Variants in TMEM119 observed in about 807,000 individuals in gnomAD.
The protein encoded by TMEM119 is osteoblast induction factor.
For synonymous variants in TMEM119, 182 were observed against 176.4 expected (o/e 1.03, Z -0.25); for missense variants, 410 against 381.0 (o/e 1.08, Z -0.63).
chr12:108,597,186 T>A (rs754318925), intron 1 of TMEM119, among the ~76,000 whole-genome samples: 3 of 151,886 alleles, frequency 2.0e-5, no homozygotes, highest in Non-Finnish European at 4.4e-5. Flanking sequence ...TGGTCCTGAG[T>A]CTGTGGAGGA....
chr12:108,593,857 A>C (rs2031460674), intron 1 of TMEM119, among the ~76,000 whole-genome samples: 1 of 152,210 alleles, frequency 6.6e-6, no homozygotes, highest in African/African-American at 2.4e-5. Flanking sequence ...ACCCAGGGAC[A>C]ATTCACTGCA....
rs1378148360 is a variant in TMEM119, at chr12:108,591,661, C to G, written c.723G>C (p.Glu241Asp). 1 of 1,614,032 alleles carries G rather than the reference C, an allele frequency of 6.2e-7. No individual in the cohort carries two copies. ...GGCCCTCACCGGCCACCACAGCCCC[C>G]TCAAGGACCCCTGAGCACGGCTCCT... The part of the protein sequence containing the change: ...AQEEPCSGVL[E>D]GAVVAGEGQG... Residue 241 changes from glutamate (E) to aspartate (D), a missense_variant, in exon 2 of 2, where the codon GAG (glutamate) becomes GAC (aspartate). Physicochemically the swap from Glu to Asp is conservative, Grantham distance 45. Coordinates refer to ENST00000392806, the MANE Select transcript of TMEM119 (RefSeq NM_181724.3). This position sits in a 1 kb window ranked among gnomAD's most constrained non-coding sequence, Gnocchi z 4.2.
At position 108,592,411 on chromosome 12, in the gene TMEM119, G is replaced by C. The variant is rs771944394; in HGVS notation, c.-14-14C>G. The C allele has an allele frequency of 6.5e-7, 1 of 1,530,498 alleles. No homozygotes were observed. The highest frequency in any genetic ancestry group is 8.7e-7 in the Non-Finnish European group (1 of 1,145,584). 94.8% of individuals were successfully genotyped at this position (1,530,498 alleles called of 1,614,324 possible). On this transcript the variant is annotated splice_polypyrimidine_tract_variant and intron_variant, in intron 1 of 1. Coordinates refer to ENST00000392806, the MANE Select transcript of TMEM119 (RefSeq NM_181724.3). The surrounding 1 kb of genome is among the most constrained non-coding windows in gnomAD (Gnocchi z 4.3). ...TGCCCCCAGGACCTGTGAGACAGGA[G>C]GGAGGAGAGAAGTCATGGCGGAACT...
In TMEM119 at chr12:108,591,254, G is replaced by A. The variant is rs745495676; in HGVS notation, c.*278C>T. On this transcript the variant is annotated 3_prime_UTR_variant, in exon 2 of 2. Coordinates refer to ENST00000392806, the MANE Select transcript of TMEM119 (RefSeq NM_181724.3). The surrounding 1 kb of genome is among the most constrained non-coding windows in gnomAD (Gnocchi z 4.2). Reference sequence around the variant, plus strand: ...GGATGTTTTATCCTGGCTGTCACAGGGACACGTGCCCTCCCTCACTTTGTC... The same window carrying A: ...GGATGTTTTATCCTGGCTGTCACAGAGACACGTGCCCTCCCTCACTTTGTC... 1.6e-4 allele frequency: 62 copies of A among 377,412 alleles called. No individual in the cohort carries two copies. The highest frequency in any genetic ancestry group is 2.2e-4 in the Non-Finnish European group (47 of 211,856). The allele number at this position is 377,412 out of a possible 1,614,324, so 23.4% of individuals were successfully genotyped here. A position where few individuals can be genotyped will look rare whatever the true frequency, so the allele number is the denominator to read the frequency against.
chr12:108,592,512 T>G lies in TMEM119; in HGVS notation c.-14-115A>C. ...GGAGCATGAAACACCTTCTAGCAAG[T>G]CCCTTCCATTCCCAGGGCCTGAGCC... On this transcript the variant is annotated intron_variant, in intron 1 of 1. Coordinates refer to ENST00000392806, the MANE Select transcript of TMEM119 (RefSeq NM_181724.3). This position sits in a 1 kb window ranked among gnomAD's most constrained non-coding sequence, Gnocchi z 4.3. 1 of 1,158,512 alleles carries G rather than the reference T, an allele frequency of 8.6e-7. No homozygotes were observed. Among genetic ancestry groups the G allele is most frequent in the Non-Finnish European group, 1.2e-6 (1 of 845,732 alleles). The allele number at this position is 1,158,512 out of a possible 1,614,324, so 71.8% of individuals were successfully genotyped here. A position where few individuals can be genotyped will look rare whatever the true frequency, so the allele number is the denominator to read the frequency against.
Position 108,590,731 on chromosome 12 carries a change from G to A in TMEM119, c.*801C>T, listed in dbSNP as rs182660870. 2.0e-5 allele frequency: 3 copies of A among 152,316 alleles called. No individual in the cohort carries two copies. Among genetic ancestry groups the A allele is most frequent in the Admixed American group, 2.0e-4 (3 of 15,298 alleles). The allele number at this position is 152,316 out of a possible 1,614,324, so 9.4% of individuals were successfully genotyped here. A position where few individuals can be genotyped will look rare whatever the true frequency, so the allele number is the denominator to read the frequency against. ...AATCTTGTTTCCGTAGAGTGCCTCG[G>A]GGAACCTAGTTTGGGAAATGCTCAT... On this transcript the variant is annotated 3_prime_UTR_variant, in exon 2 of 2. Coordinates refer to ENST00000392806, the MANE Select transcript of TMEM119 (RefSeq NM_181724.3).
At chr12:108,595,550 C>A (rs1437170701) in intron 1 of TMEM119, among the ~76,000 whole-genome samples, 1 of 150,200 alleles carries the variant, frequency 6.7e-6, no homozygotes, top group Middle Eastern at 3.2e-3. Context: ...TACACACATG[C>A]CCCACACACA....
In TMEM119 at chr12:108,595,929, G is replaced by A. The variant is rs143574144; in HGVS notation, c.-15+2041C>T. Among the ~76,000 whole-genome samples, 291 of 152,264 alleles carry A rather than the reference G, an allele frequency of 1.9e-3. 3 individuals are homozygous for A. The highest frequency in any genetic ancestry group is 5.8e-3 in the African/African-American group (241 of 41,544). On this transcript the variant is annotated intron_variant, in intron 1 of 1. Coordinates refer to ENST00000392806, the MANE Select transcript of TMEM119 (RefSeq NM_181724.3). The stretch of plus-strand genomic sequence containing the variant: ...ACAACTACCACTTCTCACTGCAGAG[G>A]GCAGCTGGGACCATGGGTGGCTGGA...
chr12:108,593,645 G>A (rs1263099337), intron 1 of TMEM119, among the ~76,000 whole-genome samples: 4 of 152,106 alleles, frequency 2.6e-5, no homozygotes, highest in African/African-American at 7.2e-5. Context: ...GATGCGCCCC[G>A]CCCCCACTAG....
intron 1 of TMEM119, among the ~76,000 whole-genome samples, chr12:108,595,061 T>G (rs951260403): frequency 1.3e-5 from 2 of 152,012 alleles, no homozygotes; most frequent in Non-Finnish European, 1.5e-5. Context: ...ATTTTACAGA[T>G]GAGGAAACAG....
At position 108,592,011 on chromosome 12, in the gene TMEM119, A is replaced by T. The variant is rs1214268216; in HGVS notation, c.373T>A (p.Ser125Thr). The T allele has an allele frequency of 6.2e-7, 1 of 1,614,014 alleles. No individual in the cohort carries two copies. Among genetic ancestry groups the T allele is most frequent in the East Asian group, 2.2e-5 (1 of 44,860 alleles). The change falls in exon 2 of 2, where the codon TCG becomes ACG. Residue 125 changes from serine to threonine, a missense_variant. Transcript: ENST00000392806. This position sits in a 1 kb window ranked among gnomAD's most constrained non-coding sequence, Gnocchi z 4.3. ...AVITRQKQKASAYYPSSFPKK... is the reference protein window; with the variant it reads ...AVITRQKQKATAYYPSSFPKK... ...GGGAAGGACGATGGGTAATAGGCCGAGGCCTTCTGCTTCTGCCGGGTGATG... is the reference window on the plus strand; with the variant it reads ...GGGAAGGACGATGGGTAATAGGCCGTGGCCTTCTGCTTCTGCCGGGTGATG...
intron 1 of TMEM119, among the ~76,000 whole-genome samples, chr12:108,596,726 T>C (rs1445878658): frequency 1.3e-5 from 2 of 152,258 alleles, no homozygotes; most frequent in Non-Finnish European, 2.9e-5. Context: ...AAGTCATTAT[T>C]CTGCCTACCT....
Position 108,592,032 on chromosome 12 carries a change from T to C in TMEM119, c.352A>G (p.Thr118Ala), listed in dbSNP as rs1459713049. The change falls in exon 2 of 2, where the codon ACC becomes GCC. Residue 118 changes from threonine (T) to alanine (A), a missense_variant. Physicochemically the swap from Thr to Ala is moderately conservative, Grantham distance 58 (BLOSUM62 0). Transcript: ENST00000392806. The surrounding 1 kb of genome is among the most constrained non-coding windows in gnomAD (Gnocchi z 4.3). ...LMFIVCAAVI[T>A]RQKQKASAYY... ...GCCGAGGCCTTCTGCTTCTGCCGGGTGATGACCGCGGCACAGACGATGAAC... is the reference window on the plus strand; with the variant it reads ...GCCGAGGCCTTCTGCTTCTGCCGGGCGATGACCGCGGCACAGACGATGAAC... 1 of 1,614,040 alleles carries C rather than the reference T, an allele frequency of 6.2e-7. No homozygotes were observed. Among genetic ancestry groups the C allele is most frequent in the South Asian group, 1.1e-5 (1 of 91,064 alleles).
intron 1 of TMEM119, among the ~76,000 whole-genome samples, chr12:108,595,806 G>A (rs2031496162): frequency 6.6e-6 from 1 of 152,188 alleles, no homozygotes; most frequent in Non-Finnish European, 1.5e-5. Context: ...TGTTAGCAAA[G>A]GTTCCTACAG....
rs751188564 is a variant in TMEM119 at position 108,591,942 on chromosome 12, G to A, written c.442C>T (p.Arg148Trp). Residue 148 changes from arginine to tryptophan, a missense_variant, in exon 2 of 2, where the codon CGG becomes TGG. Arg to Trp is a moderately radical substitution (Grantham distance 101). Coordinates refer to ENST00000392806, the MANE Select transcript of TMEM119 (RefSeq NM_181724.3). The surrounding 1 kb of genome is among the most constrained non-coding windows in gnomAD (Gnocchi z 4.2). The stretch of plus-strand genomic sequence containing the variant: ...CTGTCGGGGACCTCACTGAAGGCCC[G>A]GGGGCCCCCGGCCCGGTCACTCTGG... ...VDQSDRAGGPRAFSEVPDRAP... is the reference protein window; with the variant it reads ...VDQSDRAGGPWAFSEVPDRAP... 56 of 1,612,268 alleles carry A rather than the reference G, an allele frequency of 3.5e-5. No individual in the cohort carries two copies. The highest frequency in any genetic ancestry group is 8.9e-5 in the East Asian group (4 of 44,824).
rs935974924 is a variant in TMEM119, at chr12:108,591,015, G to A, written c.*517C>T. 2 of 152,636 alleles carry A rather than the reference G, an allele frequency of 1.3e-5. No individual in the cohort carries two copies. Among genetic ancestry groups the A allele is most frequent in the African/African-American group, 4.8e-5 (2 of 41,482 alleles). 9.5% of individuals were successfully genotyped at this position (152,636 alleles called of 1,614,324 possible). A position where few individuals can be genotyped will look rare whatever the true frequency, so the allele number is the denominator to read the frequency against. ...ACTCCCACTTATTCTTTGCTCCCTT[G>A]ATGGAAAAGCAGTGATGTTTGCCCC... On this transcript the variant is annotated 3_prime_UTR_variant, in exon 2 of 2. Coordinates refer to ENST00000392806, the MANE Select transcript of TMEM119 (RefSeq NM_181724.3). This position sits in a 1 kb window ranked among gnomAD's most constrained non-coding sequence, Gnocchi z 4.2.
chr12:108,596,201 C>A (rs1330087228), intron 1 of TMEM119, among the ~76,000 whole-genome samples: 1 of 152,124 alleles, frequency 6.6e-6, no homozygotes, highest in Non-Finnish European at 1.5e-5. Context: ...ACTCCAGGTT[C>A]AGCCAGCAAT....
chr12:108,595,746 C>A (rs2031495338), intron 1 of TMEM119, among the ~76,000 whole-genome samples: 2 of 152,118 alleles, frequency 1.3e-5, no homozygotes, highest in African/African-American at 4.8e-5. Flanking sequence ...TGGTGGACAT[C>A]ACCTGTCAGA....
chr12:108,593,829 G>T (rs1293517006), intron 1 of TMEM119, among the ~76,000 whole-genome samples: 1 of 152,222 alleles, frequency 6.6e-6, no homozygotes, highest in Non-Finnish European at 1.5e-5. Flanking sequence ...TGTGAGCTGG[G>T]GGCTCCCAGC....
Sources: allele counts gnomAD v4.1 joint callset (sites outside exome capture counted in the v4.1 genomes callset), GRCh38; gene constraint gnomAD v4.1.1; non-coding constraint Gnocchi (gnomAD v3.1); transcripts MANE v1.5; gene names NCBI Gene and HGNC (gene_info 2026-07-23, HGNC 2026-07-21).